The following SLC2A13 variants were observed in gnomAD, a reference collection of about 807,000 sequenced individuals.
SLC2A13 encodes the protein proton myo-inositol cotransporter.
SLC2A13 carries 32 observed loss-of-function variants against 64.4 expected under a neutral mutation model. The ratio of observed to expected loss-of-function variants is 0.50; its 90% confidence interval spans 0.37 to 0.67. The LOEUF (loss-of-function observed/expected upper bound fraction) is 0.67. Among genes scored for constraint, SLC2A13 ranks in the 30% least tolerant of loss-of-function variants. SLC2A13 has a pLI of 0.00. For synonymous variants in SLC2A13, 338 were observed against 327.1 expected (o/e 1.03, Z -0.36); for missense variants, 743 against 829.2 (o/e 0.90, Z 1.28).
intron 7 of SLC2A13, among the ~76,000 whole-genome samples, chr12:39,783,897 G>A (rs1462300547): frequency 6.6e-6 from 1 of 152,134 alleles, no homozygotes; most frequent in Non-Finnish European, 1.5e-5. Flanking sequence ...CAAAATCAAT[G>A]TGCAAAAATC....
intron 4 of SLC2A13, among the ~76,000 whole-genome samples, chr12:39,935,980 C>T (rs1335236770): frequency 3.3e-5 from 5 of 152,148 alleles, no homozygotes; most frequent in East Asian, 1.9e-4. Context: ...TATACCCTTG[C>T]GTAGGGCAGT....
intron 3 of SLC2A13, among the ~76,000 whole-genome samples, chr12:39,981,162 T>C (rs9706058): frequency 0.84 from 124,942 of 147,944 alleles, 52,877 homozygotes; most frequent in Non-Finnish European, 0.86. Flanking sequence ...ATCTCTGGGA[T>C]GCATTCAAAG....
intron 4 of SLC2A13, among the ~76,000 whole-genome samples, chr12:39,912,191 T>C (rs1565538590): frequency 6.6e-6 from 1 of 152,072 alleles, no homozygotes; most frequent in Non-Finnish European, 1.5e-5. Context: ...AGACCACATA[T>C]ATAATTGAGC....
intron 5 of SLC2A13, among the ~76,000 whole-genome samples, chr12:39,865,499 T>C (rs1943884634): frequency 6.6e-6 from 1 of 152,180 alleles, no homozygotes; most frequent in African/African-American, 2.4e-5. Flanking sequence ...ATATTTGTTT[T>C]GGTGTTAACA....
chr12:39,802,407 A>G (rs1457013895), intron 7 of SLC2A13: 1 of 152,194 alleles, frequency 6.6e-6, no homozygotes, highest in Non-Finnish European at 1.5e-5. Flanking sequence ...CAGAAAAAAG[A>G]CTAAGATGGT....
At chr12:40,047,873 A>G (rs1314388564) in intron 2 of SLC2A13, among the ~76,000 whole-genome samples, 178 bp downstream of exon 2, 1 of 152,200 alleles carries the variant, frequency 6.6e-6, no homozygotes, top group Non-Finnish European at 1.5e-5. Context: ...TTCCTTGTCT[A>G]TCATCAAAAT....
At chr12:39,988,692 AGG>A (rs1947077328) in intron 3 of SLC2A13, among the ~76,000 whole-genome samples, 2 of 21,618 alleles carry the variant, frequency 9.3e-5, no homozygotes, top group East Asian at 5.1e-4. Context: ...GGAGGGAGGG[AGG>A]AAGGAAGGAA....
At chr12:39,880,586 A>T (rs1303939606) in intron 4 of SLC2A13, among the ~76,000 whole-genome samples, 1 of 152,242 alleles carries the variant, frequency 6.6e-6, no homozygotes, top group African/African-American at 2.4e-5. Flanking sequence ...AAGTTTACTT[A>T]TTAATCACAT....
In SLC2A13 at chr12:40,056,136, T is replaced by C. The variant is rs528626309; in HGVS notation, c.557-7926A>G. Among the ~76,000 whole-genome samples, 20 of 151,944 alleles carry C rather than the reference T, an allele frequency of 1.3e-4. No individual in the cohort carries two copies. In the South Asian group the frequency reaches 4.1e-3, roughly 32 times the overall value. On this transcript the variant is annotated intron_variant, in intron 1 of 9. Transcript: ENST00000280871. The stretch of plus-strand genomic sequence containing the variant: ...AGTATAATATTCCAATACTAAGATA[T>C]AACTTATGTAACCATTCCCTTCTTA...
intron 3 of SLC2A13, among the ~76,000 whole-genome samples, chr12:39,968,473 C>T (rs1273245623): frequency 1.3e-5 from 2 of 151,952 alleles, no homozygotes; most frequent in South Asian, 2.1e-4. Context: ...CAAAGATTCT[C>T]GGTATTTCTG....
chr12:40,069,326 T>G (rs1435000719), intron 1 of SLC2A13, among the ~76,000 whole-genome samples: 1 of 152,180 alleles, frequency 6.6e-6, no homozygotes, highest in Non-Finnish European at 1.5e-5. Flanking sequence ...ACATTATACT[T>G]ATTCATTAAA....
Position 39,778,455 on chromosome 12 carries a change from G to A in SLC2A13, c.1446-13597C>T, listed in dbSNP as rs190938899. ...TCACAAAGGCATATATCACAGGGAC[G>A]AAGTTAGTTATTTCTTTGGAACAGA... On this transcript the variant is annotated intron_variant, in intron 7 of 9. Coordinates refer to ENST00000280871, the MANE Select transcript of SLC2A13 (RefSeq NM_052885.4). Among the ~76,000 whole-genome samples, 209 of 151,338 alleles carry A rather than the reference G, an allele frequency of 1.4e-3. 2 individuals carry two copies. Among genetic ancestry groups the A allele is most frequent in the Non-Finnish European group, 2.2e-3 (150 of 67,978 alleles).
At chr12:40,068,415 G>A (rs1482117798) in intron 1 of SLC2A13, 2 of 273,628 alleles carry the variant, frequency 7.3e-6, no homozygotes, top group South Asian at 3.3e-5. Context: ...GTACTCTATT[G>A]GGGATTTCCT....
chr12:39,834,735 C>A (rs1356547017), intron 6 of SLC2A13, among the ~76,000 whole-genome samples: 1 of 151,960 alleles, frequency 6.6e-6, no homozygotes, highest in Non-Finnish European at 1.5e-5. Context: ...GGAGGAAAGA[C>A]AAGATTTCCT....
chr12:40,023,966 A>G (rs1387304251), intron 3 of SLC2A13, among the ~76,000 whole-genome samples: 3 of 152,206 alleles, frequency 2.0e-5, no homozygotes, highest in African/African-American at 7.2e-5. Flanking sequence ...GAAAAATTCA[A>G]ATATATTTGA....
Position 39,859,333 on chromosome 12 carries a change from G to GA in SLC2A13, c.1319+5428dup, listed in dbSNP as rs34726316. Among the ~76,000 whole-genome samples the GA allele has an allele frequency of 1.7e-3, 106 of 62,028 alleles. 2 individuals carry two copies. The highest frequency in any genetic ancestry group is 3.5e-3 in the South Asian group (5 of 1,412). The allele number at this position is 62,028 out of a possible 152,430, so 40.7% of individuals were successfully genotyped here. A position where few individuals can be genotyped will look rare whatever the true frequency, so the allele number is the denominator to read the frequency against. On this transcript the variant is annotated intron_variant, in intron 6 of 9. Transcript: ENST00000280871. ...AGCTGGCAGTTTTTTTTTTTTTTCT[G>GA]AAAAAAAAAAAAAAAAAAGTGATAG...
intron 7 of SLC2A13, among the ~76,000 whole-genome samples, chr12:39,777,662 C>G (rs1217910266): frequency 4.6e-5 from 7 of 152,042 alleles, no homozygotes; most frequent in Non-Finnish European, 1.0e-4. Context: ...GGCTGGATGT[C>G]GAGAGAAGCA....
chr12:39,984,368 C>T (rs1034178441), intron 3 of SLC2A13, among the ~76,000 whole-genome samples: 9 of 151,658 alleles, frequency 5.9e-5, no homozygotes, highest in Admixed American at 1.3e-4. Flanking sequence ...AACAGAGCAA[C>T]GGTAAGTGCA....
At chr12:39,998,191 T>C (rs1398066413) in intron 3 of SLC2A13, among the ~76,000 whole-genome samples, 3 of 152,206 alleles carry the variant, frequency 2.0e-5, no homozygotes, top group African/African-American at 7.2e-5. Flanking sequence ...AATGGAATAC[T>C]ACTCAGCCAT....
Sources: gnomAD v4.1 joint callset for allele counts (sites outside exome capture counted in the v4.1 genomes callset) on GRCh38, gnomAD v4.1.1 for gene constraint, MANE v1.5 for transcripts, NCBI Gene and HGNC (gene_info 2026-07-23, HGNC 2026-07-21) for gene names.